The following CD207 variants were observed in gnomAD, a reference collection of about 807,000 sequenced individuals.
The protein encoded by CD207 is CD207 molecule.
A neutral mutation model predicts 31.6 loss-of-function variants in CD207; 28 were observed. The ratio of observed to expected loss-of-function variants is 0.89; its 90% CI spans 0.66 to 1.21. CD207 has a LOEUF of 1.21. Among genes scored for constraint, CD207 ranks in the 50% most tolerant of loss-of-function variants. The pLI is 0.00. For synonymous variants in CD207, 168 were observed against 153.9 expected, an observed-to-expected ratio of 1.09 and a Z score of -0.68; for missense variants, 388 against 397.8, an observed-to-expected ratio of 0.98 and a Z score of 0.21.
At chr2:70,825,054 G>T in the CD207 span, among the ~76,000 whole-genome samples, 1 of 152,180 alleles carries the variant, frequency 6.6e-6, no homozygotes, top group Non-Finnish European at 1.5e-5. Context: ...CAACAGTAAT[G>T]AATTCTATTG....
intron 2 of CD207, 123 bp downstream of exon 2, chr2:70,835,368 G>A (rs1308252151): frequency 1.4e-6 from 1 of 715,560 alleles, no homozygotes; most frequent in South Asian, 1.5e-5. Context: ...AGAGGAGGAA[G>A]GAGACAAATG....
chr2:70,833,739 T>C lies in CD207; in HGVS notation c.472A>G (p.Lys158Glu). 6.2e-7 allele frequency: 1 copy of C among 1,614,050 alleles called. No homozygotes were observed. Among genetic ancestry groups the C allele is most frequent in the South Asian group, 1.1e-5 (1 of 91,084 alleles). Reference sequence around the variant, plus strand: ...GCACTGGCTTTCTCCAAATCACTTTTTAACTCTGGGATTTGGGCATTTAAG... The same window carrying C: ...GCACTGGCTTTCTCCAAATCACTTTCTAACTCTGGGATTTGGGCATTTAAG... The part of the protein sequence containing the change: ...STLNAQIPEL[K>E]SDLEKASALN... Residue 158 changes from lysine (K) to glutamate (E), a missense_variant, in exon 3 of 6, where the codon AAA becomes GAA. Coordinates refer to ENST00000410009, the MANE Select transcript of CD207 (RefSeq NM_015717.5).
In CD207 at chr2:70,831,140, C is replaced by A. The variant is rs560616874; in HGVS notation, c.897G>T (p.Lys299Asn). 6.2e-7 allele frequency: 1 copy of A among 1,613,836 alleles called. No homozygotes were observed. Among genetic ancestry groups the A allele is most frequent in the African/African-American group, 1.3e-5 (1 of 75,022 alleles). Reference protein sequence around the residue: ...AGNNEHCGNIKAPSLQAWNDA... With the variant: ...AGNNEHCGNINAPSLQAWNDA... ...CATTCCAGGCCTGAAGTGAGGGAGC[C>A]TTTATATTGCCACAGTGTTCATTGT... The change falls in exon 6 of 6, where the codon AAG (lysine) becomes AAT (asparagine). Residue 299 changes from lysine to asparagine, a missense_variant. By Grantham distance (94) the Lys-to-Asn change is moderately conservative. Transcript: ENST00000410009.
rs782020363 is a variant in CD207 at position 70,832,936 on chromosome 2, A to G, written c.681T>C (p.Asn227=). The change falls in exon 4 of 6, where the codon AAT becomes AAC. Residue 227 remains asparagine (N), a synonymous_variant. Coordinates refer to ENST00000410009, the MANE Select transcript of CD207 (RefSeq NM_015717.5). The part of the protein sequence containing the change: ...YSAEQFCVSR[N]SHLTSVTSES... ...CTGAGGTCACCGAGGTCAGGTGTGA[A>G]TTCCTGGACACACAGAACTGCTCGG... 9 of 1,614,010 alleles carry G rather than the reference A, an allele frequency of 5.6e-6. No homozygotes were observed. Among genetic ancestry groups the G allele is most frequent in the African/African-American group, 1.3e-5 (1 of 75,058 alleles).
rs782700461 is a variant in CD207 at position 70,831,024 on chromosome 2, AAG to A, written c.*24_*25del. On this transcript the variant is annotated 3_prime_UTR_variant, in exon 6 of 6. Coordinates refer to ENST00000410009, the MANE Select transcript of CD207 (RefSeq NM_015717.5). ...CATGTTTAACAAGCGTTGGAGCTCA[AAG>A]AGTGAGCTTGGGAGCCTGTCCTGTC... 14 of 1,599,014 alleles carry A rather than the reference AAG, an allele frequency of 8.8e-6. No homozygotes were observed. The highest frequency in any genetic ancestry group is 1.3e-5 in the African/African-American group (1 of 74,424).
rs528580487 is a variant in CD207, at chr2:70,833,646, T to C, written c.565A>G (p.Asn189Asp). ...ENMSKLLKRQ[N>D]DILQVVSQGW... ...CAATGTAATTTTCTGAGTCACTTAC[T>C]TTGTCGTTTGAGCAACTTGCTCATA... is the stretch of plus-strand genomic sequence containing the variant. The change falls in exon 3 of 6, where the codon AAT becomes GAT. Residue 189 changes from asparagine (N) to aspartate (D), a missense_variant and splice_region_variant. By Grantham distance (23) the Asn-to-Asp change is conservative (BLOSUM62 1). Coordinates refer to ENST00000410009, the MANE Select transcript of CD207 (RefSeq NM_015717.5). The C allele has an allele frequency of 3.5e-5, 57 of 1,607,168 alleles. No homozygotes were observed. The South Asian group carries it at 6.1e-4, about 17-fold the overall frequency.
At chr2:70,834,746 A>G (rs1003163812) in intron 2 of CD207, among the ~76,000 whole-genome samples, 4 of 152,002 alleles carry the variant, frequency 2.6e-5, no homozygotes, top group Admixed American at 1.3e-4. Flanking sequence ...CTCTGCTCAG[A>G]GCCTACAAGT....
At chr2:70,831,664 G>A (rs3213747) in intron 5 of CD207, 37 bp downstream of exon 5, 79,721 of 1,301,782 alleles carry the variant, frequency 0.061, 3,588 homozygotes, top group African/African-American at 0.17. Context: ...CATGGCCGGG[G>A]AAAGTCAGGC....
In CD207 at chr2:70,831,184, C is replaced by T. The variant is rs782027064; in HGVS notation, c.853G>A (p.Glu285Lys). 6.2e-7 allele frequency: 1 copy of T among 1,613,498 alleles called. No individual in the cohort carries two copies. The highest frequency in any genetic ancestry group is 1.7e-5 in the Admixed American group (1 of 59,942). Residue 285 changes from glutamate (E) to lysine (K), a missense_variant, in exon 6 of 6, where the codon GAG becomes AAG. Glu to Lys is a moderately conservative substitution (Grantham distance 56). Coordinates refer to ENST00000410009, the MANE Select transcript of CD207 (RefSeq NM_015717.5). ...VQSVRFWIPG[E>K]PNNAGNNEHC... ...TCATTGTTCCCAGCATTGTTGGGCT[C>T]ACCTGGAATCCAGAACCTACCAAGA... is the stretch of plus-strand genomic sequence containing the variant.
Position 70,830,905 on chromosome 2 carries a change from C to G in CD207, c.*145G>C. On this transcript the variant is annotated 3_prime_UTR_variant, in exon 6 of 6. Transcript: ENST00000410009. The stretch of plus-strand genomic sequence containing the variant: ...TCAGAGAATTTCCAGCCAAGACAGA[C>G]GGACTCCAGAATGCCACTGTGGGAC... The G allele has an allele frequency of 2.9e-6, 2 of 682,016 alleles. No homozygotes were observed. Among genetic ancestry groups the G allele is most frequent in the Non-Finnish European group, 4.8e-6 (2 of 419,814 alleles). 42.2% of individuals were successfully genotyped at this position (682,016 alleles called of 1,614,324 possible). A position where few individuals can be genotyped will look rare whatever the true frequency, so the allele number is the denominator to read the frequency against.
Position 70,833,912 on chromosome 2 carries a change from T to C in CD207, c.299A>G (p.Asp100Gly). ...TLDSEIKKNS[D>G]GMEAAGVQIQ... Reference sequence around the variant, plus strand: ...CTGAACGCCAGCTGCCTCCATGCCGTCACTATTCTTTTTAATTTCAGAATC... The same window carrying C: ...CTGAACGCCAGCTGCCTCCATGCCGCCACTATTCTTTTTAATTTCAGAATC... The change falls in exon 3 of 6, where the codon GAC becomes GGC. Residue 100 changes from aspartate to glycine, a missense_variant. By Grantham distance (94) the Asp-to-Gly change is moderately conservative (BLOSUM62 -1). Transcript: ENST00000410009. The C allele has an allele frequency of 6.3e-7, 1 of 1,597,596 alleles. No individual in the cohort carries two copies. The highest frequency in any genetic ancestry group is 8.5e-7 in the Non-Finnish European group (1 of 1,170,836).
In CD207 at chr2:70,832,969, C is replaced by T. The variant is rs782816989; in HGVS notation, c.648G>A (p.Trp216Ter). Reference protein sequence around the residue: ...FYYFSLIPKTWYSAEQFCVSR... With the variant: ...FYYFSLIPKT ...ACACACAGAACTGCTCGGCACTATA[C>T]CAGGTCTTTGGAATGAGAGAAAAGT... The change falls in exon 4 of 6, where the codon TGG (tryptophan) becomes TGA (stop). Residue 216 changes from tryptophan (W) to a stop codon, truncating the protein, a stop_gained. Coordinates refer to ENST00000410009, the MANE Select transcript of CD207 (RefSeq NM_015717.5). LOFTEE classifies it high-confidence loss of function. The T allele has an allele frequency of 9.9e-6, 16 of 1,613,980 alleles. No homozygotes were observed. The South Asian group carries it at 1.3e-4, about 13-fold the overall frequency.
chr2:70,835,625 A>T lies in CD207; in HGVS notation c.74-18T>A. On this transcript the variant is annotated intron_variant, in intron 1 of 5. Transcript: ENST00000410009. ...AGGAGGCTCTGTTGGAAGAAGAAGA[A>T]AATGTGTGTTGAAGGAGCAGCAAAG... 1.2e-6 allele frequency: 2 copies of T among 1,612,246 alleles called. No homozygotes were observed. Among genetic ancestry groups the T allele is most frequent in the Middle Eastern group, 3.3e-4 (2 of 6,060 alleles).
rs559240115 is a variant in CD207 at position 70,835,684 on chromosome 2, T to C, written c.73+20A>G. 1 of 1,613,318 alleles carries C rather than the reference T, an allele frequency of 6.2e-7. No homozygotes were observed. The highest frequency in any genetic ancestry group is 1.1e-5 in the South Asian group (1 of 90,960). Reference sequence around the variant, plus strand: ...TGCACACAGAACACGGAGCAGGTTCTCAGCAGCGATGTGGCTTGCCTCGGG... The same window carrying C: ...TGCACACAGAACACGGAGCAGGTTCCCAGCAGCGATGTGGCTTGCCTCGGG... On this transcript the variant is annotated intron_variant, in intron 1 of 5. Coordinates refer to ENST00000410009, the MANE Select transcript of CD207 (RefSeq NM_015717.5).
chr2:70,834,882 T>C (rs1189471961), intron 2 of CD207, among the ~76,000 whole-genome samples: 1 of 152,132 alleles, frequency 6.6e-6, no homozygotes, highest in Non-Finnish European at 1.5e-5. Flanking sequence ...GCAAAGGCCA[T>C]GAAGCCTGAC....
chr2:70,835,174 G>T (rs1461458304), intron 2 of CD207, among the ~76,000 whole-genome samples: 1 of 152,236 alleles, frequency 6.6e-6, no homozygotes, highest in Admixed American at 6.5e-5. Context: ...TCAGATTGGT[G>T]GGGGGTGGAC....
downstream of CD207, among the ~76,000 whole-genome samples, chr2:70,830,033 TA>T (rs1677430355): frequency 6.6e-6 from 1 of 152,134 alleles, no homozygotes; most frequent in Non-Finnish European, 1.5e-5. Flanking sequence ...TAATAAAAAC[TA>T]GAGATAAGTA....
In CD207 at chr2:70,832,945, C is replaced by T. The variant is rs372167399; in HGVS notation, c.672G>A (p.Val224=). Residue 224 remains valine, a synonymous_variant, in exon 4 of 6, where the codon GTG becomes GTA. Transcript: ENST00000410009. ...KTWYSAEQFC[V]SRNSHLTSVT... is the part of the protein sequence containing the mutation. Reference sequence around the variant, plus strand: ...CCGAGGTCAGGTGTGAATTCCTGGACACACAGAACTGCTCGGCACTATACC... The same window carrying T: ...CCGAGGTCAGGTGTGAATTCCTGGATACACAGAACTGCTCGGCACTATACC... 3 of 1,613,872 alleles carry T rather than the reference C, an allele frequency of 1.9e-6. No individual in the cohort carries two copies. Among genetic ancestry groups the T allele is most frequent in the African/African-American group, 2.7e-5 (2 of 74,926 alleles).
chr2:70,832,958 T>A lies in CD207; in HGVS notation c.659A>T (p.Glu220Val), dbSNP rs1677514924. Residue 220 changes from glutamate (E) to valine (V), a missense_variant, in exon 4 of 6, where the codon GAG becomes GTG. Physicochemically the swap from Glu to Val is moderately radical, Grantham distance 121. Transcript: ENST00000410009. ...SLIPKTWYSA[E>V]QFCVSRNSHL... is the part of the protein sequence containing the mutation. ...TGAATTCCTGGACACACAGAACTGC[T>A]CGGCACTATACCAGGTCTTTGGAAT... 1 of 1,613,900 alleles carries A rather than the reference T, an allele frequency of 6.2e-7. No individual in the cohort carries two copies. Among genetic ancestry groups the A allele is most frequent in the African/African-American group, 1.3e-5 (1 of 74,920 alleles).
Sources: allele counts gnomAD v4.1 joint callset (sites outside exome capture counted in the v4.1 genomes callset), GRCh38; gene constraint gnomAD v4.1.1; transcripts MANE v1.5; gene names NCBI Gene and HGNC (gene_info 2026-07-23, HGNC 2026-07-21).